Variants in DNTT observed in about 807,000 individuals in gnomAD.
DNTT encodes nucleosidetriphosphate:DNA deoxynucleotidylexotransferase.
DNTT carries 47 observed loss-of-function variants against 60.9 expected under a neutral mutation model. That is an observed-to-expected ratio of 0.77 (90% CI 0.61 to 0.98). The LOEUF (loss-of-function observed/expected upper bound fraction) is 0.98. DNTT is among the 50% of genes least tolerant of loss of function. The pLI is 0.00. For synonymous variants in DNTT, 224 were observed against 221.2 expected (o/e 1.01, Z -0.11); for missense variants, 665 against 627.5 (o/e 1.06, Z -0.64).
At chr10:96,309,779 G>A (rs1473190076) in intron 1 of DNTT, among the ~76,000 whole-genome samples, 1 of 152,172 alleles carries the variant, frequency 6.6e-6, no homozygotes, top group Non-Finnish European at 1.5e-5. Context: ...TAAAATGCCT[G>A]CCTGAGAAAG....
chr10:96,304,747 A>G, intron 1 of DNTT, 47 bp downstream of exon 1: 5 of 1,584,566 alleles, frequency 3.2e-6, no homozygotes, highest in Non-Finnish European at 4.3e-6. Flanking sequence ...AGGCTTTGTG[A>G]ACAGCTTCTT....
intron 10 of DNTT, among the ~76,000 whole-genome samples, chr10:96,336,939 G>GAAA (rs1223826665): frequency 0.015 from 1,008 of 68,252 alleles, 48 homozygotes; most frequent in African/African-American, 0.032. Context: ...CTCTGTGTCA[G>GAAA]GAAAAAAAAA....
intron 4 of DNTT, among the ~76,000 whole-genome samples, chr10:96,322,268 G>C (rs1589373437): frequency 6.6e-6 from 1 of 152,282 alleles, no homozygotes; most frequent in South Asian, 2.1e-4. Context: ...ATGTAGATTG[G>C]CTTTTTGGTG....
At chr10:96,317,174 A>G (rs1333161665) in intron 1 of DNTT, among the ~76,000 whole-genome samples, 1 of 152,210 alleles carries the variant, frequency 6.6e-6, no homozygotes, top group Non-Finnish European at 1.5e-5. Flanking sequence ...ACTTATTAAA[A>G]ACTAGAAATA....
intron 5 of DNTT, 118 bp from the exon 6 acceptor site, chr10:96,324,148 C>T: frequency 7.4e-7 from 1 of 1,356,468 alleles, no homozygotes; most frequent in South Asian, 1.7e-5. Flanking sequence ...TCAGGAGAAA[C>T]TAGGTCAAAG....
In DNTT at chr10:96,332,344, T is replaced by C; in HGVS notation, c.1114-7T>C. 1 of 1,611,426 alleles carries C rather than the reference T, an allele frequency of 6.2e-7. No individual in the cohort carries two copies. The highest frequency in any genetic ancestry group is 8.5e-7 in the Non-Finnish European group (1 of 1,177,960). On this transcript the variant is annotated splice_polypyrimidine_tract_variant and splice_region_variant and intron_variant, in intron 8 of 10. Transcript: ENST00000371174. ...CCTTTTCCTGATGCCATTCTGTTTC[T>C]TTTCAGGGATTACTTTTATATTATG...
chr10:96,309,059 T>C (rs1347196272), intron 1 of DNTT, among the ~76,000 whole-genome samples: 2 of 152,202 alleles, frequency 1.3e-5, no homozygotes, highest in South Asian at 2.1e-4. Context: ...CCCAAATCAT[T>C]GATGCTGAGG....
At chr10:96,311,687 A>C (rs957229999) in intron 1 of DNTT, among the ~76,000 whole-genome samples, 2 of 152,248 alleles carry the variant, frequency 1.3e-5, no homozygotes, top group Non-Finnish European at 2.9e-5. Context: ...TCTATCACCC[A>C]GGCTGGAGTG....
In DNTT at chr10:96,320,806, T is replaced by C. The variant is rs1844860248; in HGVS notation, c.678+18T>C. 5.0e-6 allele frequency: 8 copies of C among 1,611,974 alleles called. No individual in the cohort carries two copies. In the African/African-American group the frequency reaches 9.4e-5, roughly 19 times the overall value. On this transcript the variant is annotated intron_variant, in intron 4 of 10. Transcript: ENST00000371174. ...TCATAGAGGTAAGGGTGAAATGGGA[T>C]TTGTCCCACTTCCCAATAGGTAGGT...
Position 96,338,294 on chromosome 10 carries a change from A to T in DNTT, c.*70A>T. ...AAATTATGCTTCATATTAGTAAAAG[A>T]TGCCATAGGAGAGTTTGGGGTTATT... On this transcript the variant is annotated 3_prime_UTR_variant, in exon 11 of 11. Transcript: ENST00000371174. The T allele has an allele frequency of 1.4e-6, 2 of 1,427,670 alleles. No homozygotes were observed. The highest frequency in any genetic ancestry group is 1.9e-6 in the Non-Finnish European group (2 of 1,032,654). 88.4% of individuals were successfully genotyped at this position (1,427,670 alleles called of 1,614,324 possible). A position where few individuals can be genotyped will look rare whatever the true frequency, so the allele number is the denominator to read the frequency against.
At chr10:96,336,022 G>A (rs759307829) in intron 10 of DNTT, 48 bp downstream of exon 10, 3 of 1,596,208 alleles carry the variant, frequency 1.9e-6, no homozygotes, top group Non-Finnish European at 2.6e-6. Flanking sequence ...CATCCCCAAG[G>A]CTGGCCCCCG....
intron 3 of DNTT, 25 bp downstream of exon 3, chr10:96,319,415 C>G: frequency 6.2e-7 from 1 of 1,610,996 alleles, no homozygotes; most frequent in Non-Finnish European, 8.5e-7. Context: ...CATCAACACC[C>G]AGGGCAAACG....
At chr10:96,325,188 TAC>T (rs951870840) in intron 6 of DNTT, among the ~76,000 whole-genome samples, 10 of 152,162 alleles carry the variant, frequency 6.6e-5, no homozygotes, top group African/African-American at 2.4e-4. Context: ...AAAAATACAA[TAC>T]AGTTGTGATT....
rs1346884910 is a variant in DNTT, at chr10:96,307,728, TATATAA to T, written c.203+3029_203+3034del. Among the ~76,000 whole-genome samples the T allele has an allele frequency of 3.0e-3, 419 of 141,212 alleles. 2 individuals are homozygous for T. Among genetic ancestry groups the T allele is most frequent in the Non-Finnish European group, 4.2e-3 (272 of 65,158 alleles). 92.6% of individuals were successfully genotyped at this position (141,212 alleles called of 152,430 possible). On this transcript the variant is annotated intron_variant, in intron 1 of 10. Coordinates refer to ENST00000371174, the MANE Select transcript of DNTT (RefSeq NM_004088.4). ...GTGTATATATATATATATATATATA[TATATAA>T]GCATATATATGTGTGTGTGTGTGCA...
chr10:96,304,823 G>C (rs977091718), intron 1 of DNTT, 123 bp downstream of exon 1: 1 of 1,102,224 alleles, frequency 9.1e-7, no homozygotes, highest in Non-Finnish European at 1.3e-6. Context: ...TGGGAGAACA[G>C]CAGATTTGAA....
intron 8 of DNTT, among the ~76,000 whole-genome samples, chr10:96,332,035 T>G (rs1459968782): frequency 6.6e-6 from 1 of 152,230 alleles, no homozygotes; most frequent in African/African-American, 2.4e-5. Flanking sequence ...ATGGTTGGTT[T>G]GTTTTTAAAG....
At chr10:96,314,082 G>A (rs946750729) in intron 1 of DNTT, among the ~76,000 whole-genome samples, 1 of 152,118 alleles carries the variant, frequency 6.6e-6, no homozygotes, top group Non-Finnish European at 1.5e-5. Context: ...ATATAATATT[G>A]TACATAAAAT....
At chr10:96,317,890 G>A (rs1476080063) in intron 1 of DNTT, among the ~76,000 whole-genome samples, 1 of 152,218 alleles carries the variant, frequency 6.6e-6, no homozygotes, top group Non-Finnish European at 1.5e-5. Flanking sequence ...TGTAAGCATA[G>A]CTACATCTGT....
intron 1 of DNTT, among the ~76,000 whole-genome samples, chr10:96,317,199 G>GA (rs138337020): frequency 2.0e-5 from 3 of 152,112 alleles, no homozygotes; most frequent in East Asian, 1.9e-4. Context: ...ATCTGGCCCA[G>GA]AAAAAACAAT....
Sources: allele counts gnomAD v4.1 joint callset (sites outside exome capture counted in the v4.1 genomes callset), GRCh38; gene constraint gnomAD v4.1.1; transcripts MANE v1.5; gene names NCBI Gene and HGNC (gene_info 2026-07-23, HGNC 2026-07-21).